The following SNX4 variants were observed in gnomAD, a reference collection of about 807,000 sequenced individuals.
SNX4 encodes sorting nexin 4, also known as sorting nexin-4.
SNX4 carries 49 observed loss-of-function variants against 70.8 expected under a neutral mutation model. The observed-to-expected ratio is 0.69, with a 90% CI of 0.55 to 0.88. SNX4 has a LOEUF of 0.88. Ranked by LOEUF, SNX4 falls within the 40% of genes least tolerant of loss-of-function variation. The pLI, the probability that SNX4 is intolerant of heterozygous loss-of-function variation, is 0.00. For synonymous variants in SNX4, 206 were observed against 183.8 expected (o/e 1.12, Z -0.98); for missense variants, 528 against 544.8 (o/e 0.97, Z 0.31).
intron 6 of SNX4, among the ~76,000 whole-genome samples, chr3:125,483,100 T>C (rs1178501886): frequency 1.3e-5 from 2 of 151,148 alleles, no homozygotes; most frequent in African/African-American, 2.4e-5. Context: ...ACCATAAGAA[T>C]ATATTATGTA....
chr3:125,500,039 A>C (rs190281993), intron 2 of SNX4, among the ~76,000 whole-genome samples: 303 of 152,118 alleles, frequency 2.0e-3, no homozygotes, highest in African/African-American at 7.0e-3. Flanking sequence ...CAGCCTGGGC[A>C]ACAAGAGCGA....
chr3:125,512,042 T>G (rs534059320), intron 1 of SNX4, among the ~76,000 whole-genome samples: 2 of 152,200 alleles, frequency 1.3e-5, no homozygotes, highest in African/African-American at 2.4e-5. Context: ...AAAATCTCAG[T>G]CCTCAAGGCA....
chr3:125,519,584 C>T (rs1214567881), intron 1 of SNX4, among the ~76,000 whole-genome samples: 1 of 152,168 alleles, frequency 6.6e-6, no homozygotes, highest in Non-Finnish European at 1.5e-5. Flanking sequence ...AGCACTGTTG[C>T]CCACTCCCCA....
chr3:125,464,362 C>T (rs1933954904), intron 9 of SNX4, among the ~76,000 whole-genome samples: 1 of 151,766 alleles, frequency 6.6e-6, no homozygotes, highest in African/African-American at 2.4e-5. Flanking sequence ...CAATGTTTTC[C>T]ACTATAAGCT....
chr3:125,487,748 T>C (rs73859200), intron 6 of SNX4, among the ~76,000 whole-genome samples: 218 of 149,918 alleles, frequency 1.5e-3, no homozygotes, highest in African/African-American at 4.7e-3. Context: ...CTGTATATGA[T>C]GTGACATTCC....
At chr3:125,469,608 T>A in intron 8 of SNX4, 89 bp from the exon 9 acceptor site, 1 of 917,134 alleles carries the variant, frequency 1.1e-6, no homozygotes, top group South Asian at 1.4e-5. Flanking sequence ...CTTGTCTAGC[T>A]AGCTTTAAAA....
At chr3:125,477,331 C>T (rs1432316586) in intron 7 of SNX4, among the ~76,000 whole-genome samples, 1 of 152,170 alleles carries the variant, frequency 6.6e-6, no homozygotes, top group Non-Finnish European at 1.5e-5. Context: ...CAAAAGATAA[C>T]TCCTAACCAA....
chr3:125,460,189 A>C (rs1933841035), intron 10 of SNX4, among the ~76,000 whole-genome samples: 1 of 138,788 alleles, frequency 7.2e-6, no homozygotes, highest in South Asian at 2.3e-4. Flanking sequence ...GCCAAACTCT[A>C]GTCTGTCTCA....
chr3:125,482,589 A>G (rs1934437159), intron 6 of SNX4, among the ~76,000 whole-genome samples: 1 of 151,918 alleles, frequency 6.6e-6, no homozygotes, highest in South Asian at 2.1e-4. Context: ...TGCTTGGATG[A>G]TCTTCCAAAG....
At chr3:125,497,248 A>AT (rs1934816002) in intron 5 of SNX4, 93 bp downstream of exon 5, 4 of 696,866 alleles carry the variant, frequency 5.7e-6, no homozygotes, top group Non-Finnish European at 9.7e-6. Context: ...TCCAACATTC[A>AT]TTTATTCAAT....
intron 6 of SNX4, among the ~76,000 whole-genome samples, chr3:125,485,306 C>CT (rs996002876): frequency 3.2e-4 from 48 of 148,034 alleles, no homozygotes; most frequent in Non-Finnish European, 4.1e-4. Flanking sequence ...TATGGCTTTC[C>CT]TTTTTTTTTT....
chr3:125,456,992 G>C (rs565622874), intron 11 of SNX4, among the ~76,000 whole-genome samples: 1 of 151,508 alleles, frequency 6.6e-6, no homozygotes, highest in Admixed American at 6.6e-5. Flanking sequence ...AAACGAAACC[G>C]GATGATACTG....
intron 8 of SNX4, among the ~76,000 whole-genome samples, chr3:125,475,955 G>A (rs1043652422): frequency 9.9e-5 from 15 of 151,600 alleles, no homozygotes; most frequent in Non-Finnish European, 1.9e-4. Context: ...CTCCAGCCTC[G>A]GTGACAAAGT....
chr3:125,473,103 A>G (rs996500673), intron 8 of SNX4, among the ~76,000 whole-genome samples: 1 of 152,156 alleles, frequency 6.6e-6, no homozygotes, highest in African/African-American at 2.4e-5. Flanking sequence ...GATGGTGTGA[A>G]GATTTCAGAT....
chr3:125,462,477 G>C (rs953505635), intron 9 of SNX4, among the ~76,000 whole-genome samples: 1 of 151,404 alleles, frequency 6.6e-6, no homozygotes, highest in Non-Finnish European at 1.5e-5. Context: ...ATAGTCCCAG[G>C]TGCTCAGGAG....
intron 9 of SNX4, among the ~76,000 whole-genome samples, chr3:125,462,977 G>A (rs1359887794): frequency 6.6e-6 from 1 of 152,188 alleles, no homozygotes; most frequent in Non-Finnish European, 1.5e-5. Context: ...TTCTCTGATA[G>A]CATTGTAAAT....
At chr3:125,497,170 C>G (rs561808677) in intron 5 of SNX4, among the ~76,000 whole-genome samples, 171 bp downstream of exon 5, 1 of 151,468 alleles carries the variant, frequency 6.6e-6, no homozygotes, top group Non-Finnish European at 1.5e-5. Context: ...ACTAAAATTA[C>G]ACAAATCAAA....
At chr3:125,470,690 A>C (rs371384175) in intron 8 of SNX4, among the ~76,000 whole-genome samples, 2 of 152,166 alleles carry the variant, frequency 1.3e-5, no homozygotes, top group Admixed American at 6.5e-5. Context: ...GACAGGAATG[A>C]AAAATATTAA....
intron 2 of SNX4, among the ~76,000 whole-genome samples, chr3:125,503,371 C>T (rs529655438): frequency 1.3e-5 from 2 of 152,284 alleles, no homozygotes. Context: ...TCTTCCCTTG[C>T]CTTTCTTTAG....
Sources: gnomAD v4.1 joint callset for allele counts (sites outside exome capture counted in the v4.1 genomes callset) on GRCh38, gnomAD v4.1.1 for gene constraint, MANE v1.5 for transcripts, NCBI Gene and HGNC (gene_info 2026-07-23, HGNC 2026-07-21) for gene names.